The following GOLGA8A variants were observed in gnomAD, a reference collection of about 807,000 sequenced individuals.
GOLGA8A encodes the protein golgin A8 family member A.
A neutral mutation model predicts 22.1 loss-of-function variants in GOLGA8A; 3 were observed. That is an observed-to-expected ratio of 0.14 (90% CI 0.06 to 0.35). The LOEUF is 0.35. Ranked by LOEUF, GOLGA8A falls within the 10% of genes least tolerant of loss-of-function variation. GOLGA8A has a pLI of 1.00. For missense variants in GOLGA8A, 16 were observed against 233.2 expected (o/e 0.07, Z 6.07); for synonymous variants, 7 against 91.7 (o/e 0.08, Z 5.28).
chr15:34,437,126 G>A (rs1348617634), intron 1 of GOLGA8A, among the ~76,000 whole-genome samples: 1 of 147,120 alleles, frequency 6.8e-6, no homozygotes, highest in Non-Finnish European at 1.5e-5. Context: ...CCCCTCCCGG[G>A]ATGCGAAAGC....
At chr15:34,431,774 A>G (rs1893264186) in intron 2 of GOLGA8A, among the ~76,000 whole-genome samples, 1 of 148,566 alleles carries the variant, frequency 6.7e-6, no homozygotes, top group African/African-American at 2.5e-5. Context: ...TTTTAAAAAA[A>G]TATATTTTTA....
intron 5 of GOLGA8A, among the ~76,000 whole-genome samples, chr15:34,404,374 A>AG (rs1892139916): frequency 8.0e-6 from 1 of 124,608 alleles, no homozygotes; most frequent in Non-Finnish European, 1.7e-5. Context: ...CAGGCTGGAA[A>AG]GGGGCATATA....
chr15:34,437,435 C>G lies in GOLGA8A; in HGVS notation c.-1249G>C, dbSNP rs1464104102. On this transcript the variant is annotated 5_prime_UTR_variant, in exon 1 of 25. Transcript: ENST00000359187. ...CGGGGCTGCCCCGGTCCGCCGCCGTCCTCGCCGCGCCGCCGTCCTCGCCGC... is the reference window on the plus strand; with the variant it reads ...CGGGGCTGCCCCGGTCCGCCGCCGTGCTCGCCGCGCCGCCGTCCTCGCCGC... 3 of 139,386 alleles carry G rather than the reference C, an allele frequency of 2.2e-5. 1 individual carries two copies. The highest frequency in any genetic ancestry group is 4.8e-5 in the Non-Finnish European group (3 of 63,026). The allele number at this position is 139,386 out of a possible 1,614,324, so 8.6% of individuals were successfully genotyped here.
chr15:34,418,317 T>C (rs1474744675), intron 2 of GOLGA8A: 2 of 139,258 alleles, frequency 1.4e-5, no homozygotes, highest in Non-Finnish European at 3.1e-5. Flanking sequence ...TTGTCAGTCC[T>C]GGGTATAATT....
rs965391159 is a variant in GOLGA8A, at chr15:34,433,255, G to C, written c.-1123+2128C>G. ...GCCCTGGGACAGAGTCTGACATTAG[G>C]TACAGGACAAGTTTGGAAAGATCCA... On this transcript the variant is annotated intron_variant, in intron 2 of 24. Transcript: ENST00000359187. 2.7e-5 allele frequency among the ~76,000 whole-genome samples: 4 copies of C among 149,318 alleles called. 1 individual carries two copies. In the East Asian group the frequency reaches 7.9e-4, roughly 29 times the overall value.
chr15:34,437,349 C>T (rs1008009215), intron 1 of GOLGA8A, 49 bp downstream of exon 1: 4 of 142,750 alleles, frequency 2.8e-5, no homozygotes, highest in Non-Finnish European at 4.6e-5. Context: ...GCGGGCGGCC[C>T]AAGGCTGCCG....
chr15:34,418,405 A>G (rs1372062868), intron 2 of GOLGA8A: 1 of 142,418 alleles, frequency 7.0e-6, no homozygotes, highest in Non-Finnish European at 1.5e-5. Flanking sequence ...GCACTGACCA[A>G]ATAGAAGGTA....
chr15:34,430,424 A>G (rs565349571), intron 2 of GOLGA8A, among the ~76,000 whole-genome samples: 1 of 149,198 alleles, frequency 6.7e-6, no homozygotes, highest in East Asian at 2.0e-4. Context: ...GCTGTGGGTC[A>G]GGAAAATCTC....
Position 34,380,447 on chromosome 15 carries a change from G to A in GOLGA8A, c.*964C>T, listed in dbSNP as rs1891427009. ...AGAATGCCAACCAGCGCCCTTTCGTGTACTGGGACAGGTAGTCATGTGATT... is the reference window on the plus strand; with the variant it reads ...AGAATGCCAACCAGCGCCCTTTCGTATACTGGGACAGGTAGTCATGTGATT... On this transcript the variant is annotated 3_prime_UTR_variant, in exon 25 of 25. Transcript: ENST00000359187. 1 of 152,224 alleles carries A rather than the reference G, an allele frequency of 6.6e-6. No individual in the cohort carries two copies. The highest frequency in any genetic ancestry group is 1.5e-5 in the Non-Finnish European group (1 of 68,048). The allele number at this position is 152,224 out of a possible 1,614,324, so 9.4% of individuals were successfully genotyped here.
intron 2 of GOLGA8A, chr15:34,416,010 GTTC>G (rs1399286046): frequency 1.1e-4 from 16 of 139,528 alleles, no homozygotes; most frequent in South Asian, 2.5e-4. Flanking sequence ...AGGATAGTCA[GTTC>G]TTCTTTTTGG....
In GOLGA8A at chr15:34,433,758, C is replaced by G. The variant is rs185923784; in HGVS notation, c.-1123+1625G>C. ...GGCACTTTTCTAGCTACTGGGGATCCAGAGGTGAACAAAGTCTTTTACAAT... is the reference window on the plus strand; with the variant it reads ...GGCACTTTTCTAGCTACTGGGGATCGAGAGGTGAACAAAGTCTTTTACAAT... On this transcript the variant is annotated intron_variant, in intron 2 of 24. Transcript: ENST00000359187. Among the ~76,000 whole-genome samples the G allele has an allele frequency of 6.7e-5, 10 of 149,740 alleles. 1 individual carries two copies. Among genetic ancestry groups the G allele is most frequent in the African/African-American group, 2.5e-4 (10 of 40,644 alleles).
At chr15:34,423,707 G>T in intron 2 of GOLGA8A, among the ~76,000 whole-genome samples, 1 of 148,890 alleles carries the variant, frequency 6.7e-6, no homozygotes, top group Non-Finnish European at 1.5e-5. Flanking sequence ...GTGGAAATTT[G>T]GTGGCACGGG....
At chr15:34,423,951 C>T (rs962201155) in intron 2 of GOLGA8A, among the ~76,000 whole-genome samples, 4 of 147,962 alleles carry the variant, frequency 2.7e-5, no homozygotes, top group African/African-American at 7.5e-5. Context: ...CCAGCGGCTG[C>T]CAGCTTGCTG....
At chr15:34,421,691 T>C (rs1892804473) in intron 2 of GOLGA8A, among the ~76,000 whole-genome samples, 1 of 141,714 alleles carries the variant, frequency 7.1e-6, no homozygotes, top group Non-Finnish European at 1.5e-5. Context: ...CCCTTTTTCA[T>C]CACTCGCAAT....
chr15:34,433,159 C>A (rs1449980072), intron 2 of GOLGA8A, among the ~76,000 whole-genome samples: 1 of 148,822 alleles, frequency 6.7e-6, no homozygotes, highest in African/African-American at 2.5e-5. Flanking sequence ...CTTCTCCAAC[C>A]AGGCCAGGAC....
At chr15:34,427,176 C>T (rs1595665753) in intron 2 of GOLGA8A, among the ~76,000 whole-genome samples, 1 of 146,998 alleles carries the variant, frequency 6.8e-6, no homozygotes, top group East Asian at 2.0e-4. Context: ...ACTAAAAATA[C>T]AAAAGTTAGC....
intron 2 of GOLGA8A, among the ~76,000 whole-genome samples, chr15:34,424,886 G>C (rs75436888): frequency 7.7e-6 from 1 of 130,508 alleles, no homozygotes; most frequent in East Asian, 2.4e-4. Context: ...GATCACTTAA[G>C]CTCAGCAGTT....
intron 2 of GOLGA8A, chr15:34,417,944 C>A (rs1456620346): frequency 1.4e-5 from 2 of 139,658 alleles, no homozygotes; most frequent in Admixed American, 7.6e-5. Flanking sequence ...AAACGTCCTA[C>A]AACACACAGG....
At chr15:34,418,768 T>C (rs1388549267) in intron 2 of GOLGA8A, 6 of 146,914 alleles carry the variant, frequency 4.1e-5, no homozygotes, top group Admixed American at 1.4e-4. Flanking sequence ...GGACGGCCTG[T>C]GCCCATGGTT....
Sources: gnomAD v4.1 joint callset for allele counts (sites outside exome capture counted in the v4.1 genomes callset) on GRCh38, gnomAD v4.1.1 for gene constraint, MANE v1.5 for transcripts, NCBI Gene and HGNC (gene_info 2026-07-23, HGNC 2026-07-21) for gene names.